PARD3B: variants seen among roughly 807,000 people sequenced by gnomAD.
PARD3B encodes partitioning defective 3 homolog B.
Under a neutral mutation model 130.2 loss-of-function variants are expected in PARD3B, and 103 were observed. That is an observed-to-expected ratio of 0.79 (90% confidence interval 0.67 to 0.93). The LOEUF is 0.93. PARD3B is among the 40% of genes least tolerant of loss of function. PARD3B has a pLI of 0.00. For synonymous variants in PARD3B, 583 were observed against 553.2 expected (o/e 1.05, Z -0.76); for missense variants, 1,609 against 1,499.2 (o/e 1.07, Z -1.21).
At chr2:205,297,943 T>C (rs1187026818) in intron 16 of PARD3B, among the ~76,000 whole-genome samples, 1 of 152,224 alleles carries the variant, frequency 6.6e-6, no homozygotes, top group Non-Finnish European at 1.5e-5. Flanking sequence ...CCATGAATCC[T>C]TAATGTTCAG....
At chr2:205,003,155 G>T (rs1026369342) in intron 3 of PARD3B, among the ~76,000 whole-genome samples, 2 of 152,168 alleles carry the variant, frequency 1.3e-5, no homozygotes, top group Non-Finnish European at 2.9e-5. Flanking sequence ...GGTCTTTATT[G>T]TGCTGTGCCA....
chr2:204,830,838 G>A (rs1266608999), intron 2 of PARD3B, among the ~76,000 whole-genome samples: 1 of 152,132 alleles, frequency 6.6e-6, no homozygotes, highest in Non-Finnish European at 1.5e-5. Context: ...CCCAAGGGAG[G>A]AGAACACTTA....
In PARD3B at chr2:205,550,668, G is replaced by GA. The variant is rs1368700507; in HGVS notation, c.3181-2652dup. 6.6e-6 allele frequency among the ~76,000 whole-genome samples: 1 copy of GA among 151,798 alleles called. No homozygotes were observed. The highest frequency in any genetic ancestry group is 1.5e-5 in the Non-Finnish European group (1 of 67,966). On this transcript the variant is annotated intron_variant, in intron 21 of 22. Transcript: ENST00000406610. This position sits in a 1 kb window ranked among gnomAD's most constrained non-coding sequence, Gnocchi z 4.5. ...TGAATGCTGTTTTCCCAACAAGACA[G>GA]AAAATCCCTTAAGAATAAGGATCAC...
intron 2 of PARD3B, among the ~76,000 whole-genome samples, chr2:204,958,401 A>C (rs563515509): frequency 1.3e-5 from 2 of 152,352 alleles, no homozygotes; most frequent in South Asian, 4.1e-4. Flanking sequence ...CAGACAGCAC[A>C]AACCATGTAC....
In PARD3B at chr2:205,116,525, T is replaced by A. The variant is rs1358086941; in HGVS notation, c.681-2396T>A. Among the ~76,000 whole-genome samples, 1 of 152,220 alleles carries A rather than the reference T, an allele frequency of 6.6e-6. No individual in the cohort carries two copies. Among genetic ancestry groups the A allele is most frequent in the Non-Finnish European group, 1.5e-5 (1 of 68,034 alleles). On this transcript the variant is annotated intron_variant, in intron 6 of 22. Coordinates refer to ENST00000406610, the MANE Select transcript of PARD3B (RefSeq NM_001302769.2). The surrounding 1 kb of genome is among the most constrained non-coding windows in gnomAD (Gnocchi z 4.5). ...TGGATTTCAGCATCCTTTATCACTG[T>A]TCATTAATGCAAATTAACTGGTTAG...
At chr2:204,837,030 C>T (rs2044061186) in intron 2 of PARD3B, among the ~76,000 whole-genome samples, 1 of 152,110 alleles carries the variant, frequency 6.6e-6, no homozygotes, top group African/African-American at 2.4e-5. Context: ...TAAAATCACA[C>T]TTTTGATACC....
At chr2:205,548,217 TC>T (rs2052461647) in intron 21 of PARD3B, among the ~76,000 whole-genome samples, 1 of 152,116 alleles carries the variant, frequency 6.6e-6, no homozygotes, top group African/African-American at 2.4e-5. Flanking sequence ...TACAGACTCT[TC>T]CTGGGCATTC....
At chr2:205,542,411 G>A (rs183097382) in intron 21 of PARD3B, among the ~76,000 whole-genome samples, 1 of 147,516 alleles carries the variant, frequency 6.8e-6, no homozygotes, top group East Asian at 2.0e-4. Context: ...TGCTTATTTG[G>A]TTTGGTTTTC....
At chr2:205,217,702 A>G (rs544312401) in intron 15 of PARD3B, among the ~76,000 whole-genome samples, 45 of 150,886 alleles carry the variant, frequency 3.0e-4, no homozygotes, top group Non-Finnish European at 4.1e-4. Flanking sequence ...ATATATACAC[A>G]CATACATATA....
At chr2:204,859,808 C>A (rs2045109638) in intron 2 of PARD3B, among the ~76,000 whole-genome samples, 1 of 152,158 alleles carries the variant, frequency 6.6e-6, no homozygotes, top group African/African-American at 2.4e-5. Flanking sequence ...AATCCTGAAA[C>A]TCTCTTCCTT....
intron 22 of PARD3B, among the ~76,000 whole-genome samples, chr2:205,560,319 C>A (rs1320372581): frequency 6.6e-6 from 1 of 152,186 alleles, no homozygotes; most frequent in Non-Finnish European, 1.5e-5. Context: ...TCCTAATATA[C>A]AGGTTAAGTA....
chr2:205,613,430 A>G (rs2055309058), intron 22 of PARD3B, among the ~76,000 whole-genome samples: 1 of 152,262 alleles, frequency 6.6e-6, no homozygotes. Flanking sequence ...AGAGACTTAA[A>G]GAATTCTTAT....
intron 1 of PARD3B, among the ~76,000 whole-genome samples, chr2:204,627,985 G>GTT (rs3051373): frequency 4.9e-5 from 7 of 143,424 alleles, no homozygotes; most frequent in South Asian, 2.2e-4. Flanking sequence ...GTTTTTTTGC[G>GTT]TTTTTTTTTT....
At chr2:205,180,166 T>A (rs1324629744) in intron 13 of PARD3B, among the ~76,000 whole-genome samples, 2 of 151,400 alleles carry the variant, frequency 1.3e-5, no homozygotes, top group African/African-American at 4.9e-5. Context: ...AAATCTATTA[T>A]TATATTTTCT....
rs2125639082 is a variant in PARD3B at position 205,128,223 on chromosome 2, A to G, written c.1434+2486A>G. On this transcript the variant is annotated intron_variant, in intron 10 of 22. Transcript: ENST00000406610. The surrounding 1 kb of genome is among the most constrained non-coding windows in gnomAD (Gnocchi z 4.5). ...CAGGCAGCCCCTGAGCATGCAAAAG[A>G]ATGCAACCACAGAACTCCAACTAGG... Among the ~76,000 whole-genome samples, 1 of 152,326 alleles carries G rather than the reference A, an allele frequency of 6.6e-6. No homozygotes were observed. The highest frequency in any genetic ancestry group is 1.9e-4 in the East Asian group (1 of 5,180).
At chr2:204,732,062 T>A (rs2039532392) in intron 2 of PARD3B, among the ~76,000 whole-genome samples, 1 of 147,798 alleles carries the variant, frequency 6.8e-6, no homozygotes, top group South Asian at 2.2e-4. Flanking sequence ...CATTCCTCTT[T>A]CCATGTAGAA....
At chr2:205,084,751 G>A (rs181634173) in intron 4 of PARD3B, among the ~76,000 whole-genome samples, 28 of 151,988 alleles carry the variant, frequency 1.8e-4, no homozygotes, top group Admixed American at 7.9e-4. Context: ...TTGCACTGTG[G>A]TCAGAGAACA....
chr2:204,848,884 A>G (rs958633378), intron 2 of PARD3B, among the ~76,000 whole-genome samples: 1 of 151,902 alleles, frequency 6.6e-6, no homozygotes, highest in Non-Finnish European at 1.5e-5. Context: ...TTTGTTTCTC[A>G]TTTAGAGTTT....
At chr2:204,576,624 T>C (rs2032274675) in intron 1 of PARD3B, among the ~76,000 whole-genome samples, 1 of 152,202 alleles carries the variant, frequency 6.6e-6, no homozygotes, top group South Asian at 2.1e-4. Context: ...TGTGCACGCA[T>C]GTAAATGAAT....
Sources: gnomAD v4.1 joint callset for allele counts (sites outside exome capture counted in the v4.1 genomes callset) on GRCh38, gnomAD v4.1.1 for gene constraint, Gnocchi (gnomAD v3.1) non-coding constraint, MANE v1.5 for transcripts, NCBI Gene and HGNC (gene_info 2026-07-23, HGNC 2026-07-21) for gene names.